The following TMEM268 variants were observed in gnomAD, a reference collection of about 807,000 sequenced individuals.
TMEM268 encodes the protein transmembrane protein C9orf91.
In TMEM268, 24 loss-of-function variants were observed where a neutral mutation model predicts 39.1. The observed-to-expected ratio is 0.61, with a 90% CI of 0.44 to 0.86. The LOEUF is 0.86. TMEM268 is among the 40% of genes least tolerant of loss of function. The probability of loss-of-function intolerance (pLI) is 0.00; values close to 1 mark genes in which losing one functional copy is unlikely to be tolerated. For synonymous variants in TMEM268, 176 were observed against 173.5 expected, an observed-to-expected ratio of 1.01 and a Z score of -0.12; for missense variants, 409 against 428.6, an observed-to-expected ratio of 0.95 and a Z score of 0.40.
At chr9:114,604,591 A>AT in the TMEM268 span, among the ~76,000 whole-genome samples, 1 of 151,398 alleles carries the variant, frequency 6.6e-6, no homozygotes, top group Non-Finnish European at 1.5e-5. Context: ...GTCTCAAAAA[A>AT]AAAAAAAAAA....
At chr9:114,628,355 G>C (rs77116642) in intron 5 of TMEM268, 105 bp downstream of exon 5, 773 of 1,323,320 alleles carry the variant, frequency 5.8e-4, no homozygotes, top group Non-Finnish European at 6.1e-4. Flanking sequence ...CCCTGGCCAT[G>C]AAAATTCACA....
In TMEM268 at chr9:114,628,270, C is replaced by T. The variant is rs1355507458; in HGVS notation, c.474+20C>T. 1.2e-6 allele frequency: 2 copies of T among 1,609,214 alleles called. No individual in the cohort carries two copies. Among genetic ancestry groups the T allele is most frequent in the Admixed American group, 3.3e-5 (2 of 59,918 alleles). ...AAGAAGGTGAGATGTCTGGAGATCC[C>T]TGCCACACTCTCTCCAGAAGAGCGG... On this transcript the variant is annotated intron_variant, in intron 5 of 8. Transcript: ENST00000288502.
rs111320077 is a variant in TMEM268, at chr9:114,611,304, C to T, written c.-339C>T. The T allele has an allele frequency of 0.09, 13,675 of 151,984 alleles. 666 individuals are homozygous for T. Among genetic ancestry groups the T allele is most frequent in the South Asian group, 0.14 (670 of 4,824 alleles). The allele number at this position is 151,984 out of a possible 1,614,324, so 9.4% of individuals were successfully genotyped here. The stretch of plus-strand genomic sequence containing the variant: ...GGGCGCTCGGCTGATGAAACGCGGC[C>T]TCCAGCTCCGCTCCGCCGCGGGCCC... On this transcript the variant is annotated 5_prime_UTR_variant, in exon 1 of 9. Transcript: ENST00000288502.
chr9:114,618,853 A>G (rs778760848), intron 2 of TMEM268, among the ~76,000 whole-genome samples: 4 of 152,194 alleles, frequency 2.6e-5, no homozygotes, highest in African/African-American at 7.2e-5. Flanking sequence ...CTTCTTCACT[A>G]GAGTGTAAGC....
At chr9:114,614,892 C>A (rs1239842229) in intron 1 of TMEM268, among the ~76,000 whole-genome samples, 1 of 129,208 alleles carries the variant, frequency 7.7e-6, no homozygotes, top group East Asian at 2.3e-4. Context: ...GTGTCACTGC[C>A]TTTTTTTTTT....
chr9:114,637,187 A>G, intron 7 of TMEM268, 117 bp downstream of exon 7: 1 of 620,958 alleles, frequency 1.6e-6, no homozygotes, highest in Non-Finnish European at 2.9e-6. Context: ...AATACCTACG[A>G]GCAATCAGTG....
upstream of TMEM268, among the ~76,000 whole-genome samples, chr9:114,610,453 G>A (rs573299842): frequency 1.1e-3 from 166 of 152,340 alleles, no homozygotes; most frequent in Middle Eastern, 6.8e-3. Flanking sequence ...CGTTCTGGCC[G>A]ATGAGCGCCA....
chr9:114,612,311 A>G lies in TMEM268; in HGVS notation c.-79+747A>G, dbSNP rs561327275. ...AAAAAGAGGGGAGTTGACCTTGTGCAAGATGGATATCTGGAAGTTCTGGTT... is the reference window on the plus strand; with the variant it reads ...AAAAAGAGGGGAGTTGACCTTGTGCGAGATGGATATCTGGAAGTTCTGGTT... On this transcript the variant is annotated intron_variant, in intron 1 of 8. Coordinates refer to ENST00000288502, the MANE Select transcript of TMEM268 (RefSeq NM_153045.4). Among the ~76,000 whole-genome samples, 82 of 152,280 alleles carry G rather than the reference A, an allele frequency of 5.4e-4. 1 individual carries two copies. In the South Asian group the frequency reaches 0.017, roughly 32 times the overall value.
chr9:114,632,625 G>T (rs779933826), intron 5 of TMEM268, among the ~76,000 whole-genome samples: 105 of 152,248 alleles, frequency 6.9e-4, no homozygotes, highest in Non-Finnish European at 1.2e-3. Flanking sequence ...AGGGCCAGGC[G>T]CTGTGTTAGG....
intron 1 of TMEM268, among the ~76,000 whole-genome samples, chr9:114,613,728 C>T (rs1423573773): frequency 1.3e-5 from 2 of 152,214 alleles, no homozygotes; most frequent in Non-Finnish European, 2.9e-5. Context: ...GAAATGCAGT[C>T]TCCCTTGACT....
intron 5 of TMEM268, 88 bp downstream of exon 5, chr9:114,628,338 A>G: frequency 1.3e-6 from 2 of 1,486,454 alleles, no homozygotes; most frequent in Non-Finnish European, 1.8e-6. Flanking sequence ...CCTCCCTCAA[A>G]GAATTTCCCT....
chr9:114,625,560 T>G (rs1407827754), intron 3 of TMEM268, among the ~76,000 whole-genome samples: 1 of 150,852 alleles, frequency 6.6e-6, no homozygotes, highest in Non-Finnish European at 1.5e-5. Context: ...TTCTGATGCC[T>G]CAGCCTCCCA....
Position 114,628,170 on chromosome 9 carries a change from G to A in TMEM268, c.394G>A (p.Ala132Thr), listed in dbSNP as rs1846238582. 6.2e-7 allele frequency: 1 copy of A among 1,614,148 alleles called. No individual in the cohort carries two copies. The highest frequency in any genetic ancestry group is 8.5e-7 in the Non-Finnish European group (1 of 1,180,014). Residue 132 changes from alanine (A) to threonine (T), a missense_variant, in exon 5 of 9, where the codon GCT becomes ACT. Physicochemically the swap from Ala to Thr is moderately conservative, Grantham distance 58. Coordinates refer to ENST00000288502, the MANE Select transcript of TMEM268 (RefSeq NM_153045.4). Reference protein sequence around the residue: ...SQMFALGNHWAGMLLVTLAAV... With the variant: ...SQMFALGNHWTGMLLVTLAAV... ...GATGTTTGCCTTGGGGAACCACTGG[G>A]CTGGCATGCTGCTCGTGACCCTGGC...
At chr9:114,622,991 G>A (rs1245653263) in intron 2 of TMEM268, among the ~76,000 whole-genome samples, 1 of 151,998 alleles carries the variant, frequency 6.6e-6, no homozygotes, top group Non-Finnish European at 1.5e-5. Context: ...TTGAAAGGCT[G>A]AGGCACAAGA....
chr9:114,635,484 A>G (rs1209600720), intron 6 of TMEM268, among the ~76,000 whole-genome samples: 1 of 152,194 alleles, frequency 6.6e-6, no homozygotes, highest in Non-Finnish European at 1.5e-5. Flanking sequence ...CAACACCAGC[A>G]GCCTGGGCAA....
chr9:114,607,355 G>A (rs550260494), upstream of TMEM268, among the ~76,000 whole-genome samples: 1 of 152,252 alleles, frequency 6.6e-6, no homozygotes, highest in East Asian at 1.9e-4. Flanking sequence ...TGGGATGAGT[G>A]TAGGTTAAGC....
chr9:114,609,487 AGT>A (rs1491262154), upstream of TMEM268, among the ~76,000 whole-genome samples: 1 of 151,920 alleles, frequency 6.6e-6, no homozygotes, highest in Non-Finnish European at 1.5e-5. Flanking sequence ...GGGGAAACAT[AGT>A]AAGACCCTGC....
chr9:114,638,018 C>A (rs1420298249), intron 7 of TMEM268, among the ~76,000 whole-genome samples: 1 of 152,304 alleles, frequency 6.6e-6, no homozygotes, highest in African/African-American at 2.4e-5. Context: ...CTGCTTTGAG[C>A]AAGTGAGAGC....
chr9:114,625,734 C>T (rs535666840), intron 3 of TMEM268, among the ~76,000 whole-genome samples: 2 of 151,648 alleles, frequency 1.3e-5, no homozygotes, highest in South Asian at 2.1e-4. Context: ...TGAGCCACCA[C>T]GCCTGGCAGA....
Sources: allele counts gnomAD v4.1 joint callset (sites outside exome capture counted in the v4.1 genomes callset), GRCh38; gene constraint gnomAD v4.1.1; transcripts MANE v1.5; gene names NCBI Gene and HGNC (gene_info 2026-07-23, HGNC 2026-07-21).